CPXM2: variants seen among roughly 807,000 people sequenced by gnomAD.
CPXM2 encodes carboxypeptidase X, M14 family member 2.
In CPXM2, 66 loss-of-function variants were observed where a neutral mutation model predicts 86.1. The observed-to-expected ratio is 0.77, with a 90% CI of 0.63 to 0.94. The LOEUF (loss-of-function observed/expected upper bound fraction) is 0.94. CPXM2 is among the 40% of genes least tolerant of loss of function. The pLI is 0.00. For synonymous variants in CPXM2, 388 were observed against 400.2 expected, an observed-to-expected ratio of 0.97 and a Z score of 0.36; for missense variants, 948 against 1,026.3, an observed-to-expected ratio of 0.92 and a Z score of 1.04.
At chr10:123,798,526 G>A (rs2134068126) in intron 5 of CPXM2, among the ~76,000 whole-genome samples, 1 of 152,290 alleles carries the variant, frequency 6.6e-6, no homozygotes, top group East Asian at 1.9e-4. Context: ...TGAACAATGA[G>A]TGCAGAAGCC....
intron 4 of CPXM2, among the ~76,000 whole-genome samples, chr10:123,835,356 C>A (rs945499358): frequency 6.6e-6 from 1 of 152,170 alleles, no homozygotes; most frequent in Non-Finnish European, 1.5e-5. Flanking sequence ...CGTCTGAGAG[C>A]TCATGCCTTC....
intron 6 of CPXM2, among the ~76,000 whole-genome samples, chr10:123,797,532 A>G (rs1847358332): frequency 6.6e-6 from 1 of 152,106 alleles, no homozygotes; most frequent in Admixed American, 6.6e-5. Flanking sequence ...TACCATAGAC[A>G]TGTATTTTTT....
chr10:123,884,289 G>C (rs529630059), intron 1 of CPXM2, among the ~76,000 whole-genome samples: 1 of 152,140 alleles, frequency 6.6e-6, no homozygotes, highest in Non-Finnish European at 1.5e-5. Context: ...CAGCATTAAG[G>C]CTAAATCACC....
At chr10:123,817,162 A>C (rs923217212) in intron 4 of CPXM2, among the ~76,000 whole-genome samples, 1 of 152,218 alleles carries the variant, frequency 6.6e-6, no homozygotes, top group African/African-American at 2.4e-5. Context: ...GTGTTACTCC[A>C]GCCCATGTAT....
intron 4 of CPXM2, among the ~76,000 whole-genome samples, chr10:123,808,046 T>A (rs186417929): frequency 2.0e-3 from 311 of 152,268 alleles, no homozygotes; most frequent in African/African-American, 7.2e-3. Flanking sequence ...ACTTAAAAAA[T>A]TTTAAAACAA....
intron 3 of CPXM2, 47 bp from the exon 4 acceptor site, chr10:123,842,535 G>A (rs769218222): frequency 6.3e-7 from 1 of 1,580,630 alleles, no homozygotes; most frequent in South Asian, 1.1e-5. Context: ...CTTAATTGAA[G>A]AAAATTAAGA....
At position 123,880,312 on chromosome 10, in the gene CPXM2, A is replaced by C. The variant is rs780113144; in HGVS notation, c.305-3T>G. 5.1e-6 allele frequency: 7 copies of C among 1,362,928 alleles called. No homozygotes were observed. The African/African-American group carries it at 1.0e-4, about 19-fold the overall frequency. 84.4% of individuals were successfully genotyped at this position (1,362,928 alleles called of 1,614,324 possible). A position where few individuals can be genotyped will look rare whatever the true frequency, so the allele number is the denominator to read the frequency against. On this transcript the variant is annotated splice_polypyrimidine_tract_variant and splice_region_variant and intron_variant, in intron 1 of 13. Transcript: ENST00000241305. Reference sequence around the variant, plus strand: ...AACTTTTTTGTTGCTGTGTTTACCTAAAGGGGGAGAGAGAGATGCCTTTAC... The same window carrying C: ...AACTTTTTTGTTGCTGTGTTTACCTCAAGGGGGAGAGAGAGATGCCTTTAC...
At chr10:123,837,260 C>T (rs1848300588) in intron 4 of CPXM2, among the ~76,000 whole-genome samples, 1 of 152,336 alleles carries the variant, frequency 6.6e-6, no homozygotes, top group South Asian at 2.1e-4. Context: ...TGGCTCACAG[C>T]AGAAGTTCCA....
At chr10:123,871,880 T>C (rs981133981) in intron 2 of CPXM2, among the ~76,000 whole-genome samples, 3 of 152,112 alleles carry the variant, frequency 2.0e-5, no homozygotes, top group African/African-American at 7.2e-5. Flanking sequence ...AACCCTCCTA[T>C]AAATCAATAA....
rs1370481589 is a variant in CPXM2, at chr10:123,883,117, ACTCTGGGACTCAG to A, written c.305-2821_305-2809del. 3.9e-5 allele frequency among the ~76,000 whole-genome samples: 6 copies of A among 152,242 alleles called. No homozygotes were observed. The South Asian group carries it at 8.3e-4, about 21-fold the overall frequency. ...CAGGCAGATTTAGGCCTGTGAGGAA[ACTCTGGGACTCAG>A]CTCTGGGACTCCAGTGAAAGTCTGG... is the stretch of plus-strand genomic sequence containing the variant. On this transcript the variant is annotated intron_variant, in intron 1 of 13. Transcript: ENST00000241305.
intron 2 of CPXM2, among the ~76,000 whole-genome samples, chr10:123,922,460 T>G (rs1462312121): frequency 1.3e-5 from 2 of 152,234 alleles, no homozygotes; most frequent in Non-Finnish European, 2.9e-5. Context: ...CTGTCCCTCT[T>G]GGATATCTGT....
chr10:123,875,600 A>G (rs138257762), intron 2 of CPXM2, among the ~76,000 whole-genome samples: 2 of 152,264 alleles, frequency 1.3e-5, no homozygotes, highest in Non-Finnish European at 2.9e-5. Flanking sequence ...ACTGTCTGTG[A>G]TGCAATGAAA....
chr10:123,771,123 T>TCCCAA, intron 7 of CPXM2, 84 bp from the exon 8 acceptor site: 1 of 1,350,418 alleles, frequency 7.4e-7, no homozygotes, highest in Non-Finnish European at 1.0e-6. Context: ...CGGACACCTC[T>TCCCAA]TGCTTTCCTC....
chr10:123,799,566 C>T (rs1054166348), intron 4 of CPXM2, among the ~76,000 whole-genome samples: 4 of 152,194 alleles, frequency 2.6e-5, no homozygotes, highest in African/African-American at 9.7e-5. Flanking sequence ...CTACATCACA[C>T]CCAAGAAGCT....
At chr10:123,762,961 T>C (rs539969492) in intron 10 of CPXM2, among the ~76,000 whole-genome samples, 1 of 152,326 alleles carries the variant, frequency 6.6e-6, no homozygotes, top group Admixed American at 6.5e-5. Flanking sequence ...TTTAAACACA[T>C]CAGGGGCCCT....
intron 6 of CPXM2, among the ~76,000 whole-genome samples, chr10:123,785,814 T>C (rs2134039202): frequency 6.6e-6 from 1 of 152,102 alleles, no homozygotes; most frequent in East Asian, 1.9e-4. Context: ...TTTGTATTTT[T>C]AGTAGAGACA....
At chr10:123,794,877 C>T (rs1223378823) in intron 6 of CPXM2, among the ~76,000 whole-genome samples, 2 of 151,914 alleles carry the variant, frequency 1.3e-5, no homozygotes, top group Non-Finnish European at 1.5e-5. Context: ...TCAGGTGATT[C>T]TTGTGCCTCA....
Position 123,885,087 on chromosome 10 carries a change from GCA to G in CPXM2, c.305-4780_305-4779del, listed in dbSNP as rs1228590657. On this transcript the variant is annotated intron_variant, in intron 1 of 13. Transcript: ENST00000241305. The surrounding 1 kb of genome is among the most constrained non-coding windows in gnomAD (Gnocchi z 4.0). Reference sequence around the variant, plus strand: ...ACAGCCTGAGACAAGAAGGCTTTGGGCACAGTGCTGTATGTGGGAGGAGATTT... The same window carrying G: ...ACAGCCTGAGACAAGAAGGCTTTGGGCAGTGCTGTATGTGGGAGGAGATTT... 3.9e-5 allele frequency among the ~76,000 whole-genome samples: 6 copies of G among 152,224 alleles called. No individual in the cohort carries two copies. The highest frequency in any genetic ancestry group is 1.4e-4 in the African/African-American group (6 of 41,468).
upstream of CPXM2, among the ~76,000 whole-genome samples, chr10:123,943,596 G>C (rs1426531049): frequency 1.3e-5 from 2 of 152,222 alleles, no homozygotes; most frequent in Non-Finnish European, 2.9e-5. Flanking sequence ...GAAGTGCAGA[G>C]CAATGAGGTT....
Sources: gnomAD v4.1 joint callset for allele counts (sites outside exome capture counted in the v4.1 genomes callset) on GRCh38, gnomAD v4.1.1 for gene constraint, Gnocchi (gnomAD v3.1) non-coding constraint, MANE v1.5 for transcripts, NCBI Gene and HGNC (gene_info 2026-07-23, HGNC 2026-07-21) for gene names.